Variants in ITGA9 observed in about 807,000 individuals in gnomAD.
ITGA9 encodes the protein integrin alpha-9.
In ITGA9, 56 loss-of-function variants were observed where a neutral mutation model predicts 127.8. The observed-to-expected ratio is 0.44, with a 90% confidence interval of 0.35 to 0.55. The LOEUF (loss-of-function observed/expected upper bound fraction) is 0.55. Ranked by LOEUF, ITGA9 falls within the 20% of genes least tolerant of loss-of-function variation. The pLI, the probability that ITGA9 is intolerant of heterozygous loss-of-function variation, is 0.00. For missense variants in ITGA9, 1,196 were observed against 1,347.1 expected (o/e 0.89, Z 1.76); for synonymous variants, 508 against 514.5 (o/e 0.99, Z 0.17).
chr3:37,546,376 A>G (rs1699326703), intron 15 of ITGA9, among the ~76,000 whole-genome samples: 1 of 152,202 alleles, frequency 6.6e-6, no homozygotes, highest in Non-Finnish European at 1.5e-5. Context: ...TTGACTGGGA[A>G]CAACTTTTCA....
At chr3:37,685,585 G>A (rs1460846373) in intron 18 of ITGA9, among the ~76,000 whole-genome samples, 1 of 152,098 alleles carries the variant, frequency 6.6e-6, no homozygotes, top group Non-Finnish European at 1.5e-5. Flanking sequence ...GGGGAAAGGG[G>A]CTTCCTTGGG....
At chr3:37,750,090 T>G (rs1247274912) in intron 22 of ITGA9, among the ~76,000 whole-genome samples, 1 of 145,868 alleles carries the variant, frequency 6.9e-6, no homozygotes, top group Admixed American at 6.8e-5. Context: ...CAGATGGTTC[T>G]GATGTTTTGC....
rs1451676304 is a variant in ITGA9 at position 37,512,129 on chromosome 3, C to CT, written c.898-1630dup. ...CCTTCCTTCCTTCCTTCTTTCTTTT[C>CT]TTTTCTTTTCTTTTCTTTTCTTTTC... On this transcript the variant is annotated intron_variant, in intron 8 of 27. Coordinates refer to ENST00000264741, the MANE Select transcript of ITGA9 (RefSeq NM_002207.3). Among the ~76,000 whole-genome samples, 55 of 10,524 alleles carry CT rather than the reference C, an allele frequency of 5.2e-3. 6 individuals are homozygous for CT. Among genetic ancestry groups the CT allele is most frequent in the African/African-American group, 0.016 (52 of 3,226 alleles). 6.9% of individuals were successfully genotyped at this position (10,524 alleles called of 152,430 possible). A position where few individuals can be genotyped will look rare whatever the true frequency, so the allele number is the denominator to read the frequency against.
intron 3 of ITGA9, among the ~76,000 whole-genome samples, chr3:37,474,176 A>G (rs564665936): frequency 2.7e-4 from 41 of 152,294 alleles, no homozygotes; most frequent in African/African-American, 8.7e-4. Flanking sequence ...TTTGAGGGAG[A>G]TAGAAAGAAA....
chr3:37,618,585 C>T (rs1042684805), intron 15 of ITGA9, among the ~76,000 whole-genome samples: 1 of 152,224 alleles, frequency 6.6e-6, no homozygotes, highest in African/African-American at 2.4e-5. Flanking sequence ...GCAGGCAGAC[C>T]TCCTTGAGCT....
chr3:37,551,715 T>A (rs1250932553), intron 15 of ITGA9, among the ~76,000 whole-genome samples: 1 of 152,176 alleles, frequency 6.6e-6, no homozygotes. Flanking sequence ...AATCACTCTT[T>A]GAGTAGTAGC....
Position 37,568,330 on chromosome 3 carries a change from T to A in ITGA9, c.1689+25745T>A, listed in dbSNP as rs1346870741. On this transcript the variant is annotated intron_variant, in intron 15 of 27. Transcript: ENST00000264741. The stretch of plus-strand genomic sequence containing the variant: ...ACCCCAGGCCTGGCCCATGAAACCA[T>A]TTTTTCCTCCTAGGCCTCCAGGCCT... Among the ~76,000 whole-genome samples the A allele has an allele frequency of 3.3e-5, 5 of 152,100 alleles. No individual in the cohort carries two copies. The East Asian group carries it at 9.7e-4, about 29-fold the overall frequency.
At position 37,779,753 on chromosome 3, in the gene ITGA9, C is replaced by T. The variant is rs112229404; in HGVS notation, c.2668-149C>T. On this transcript the variant is annotated intron_variant, in intron 24 of 27. Transcript: ENST00000264741. ...AAATCCCTTGAATGCCCTCTGGTGG[C>T]GAGAAAGAACGATTGCATCTTCTTG... The T allele has an allele frequency of 2.6e-4, 197 of 760,448 alleles. No individual in the cohort carries two copies. In the African/African-American group the frequency reaches 2.7e-3, roughly 10 times the overall value. 47.1% of individuals were successfully genotyped at this position (760,448 alleles called of 1,614,324 possible).
In ITGA9 at chr3:37,462,506, A is replaced by G. The variant is rs557141786; in HGVS notation, c.186-8501A>G. On this transcript the variant is annotated intron_variant, in intron 1 of 27. Coordinates refer to ENST00000264741, the MANE Select transcript of ITGA9 (RefSeq NM_002207.3). ...AGGCTACCACTCCCGAAGCACAGAG[A>G]AGCCAAGTCACTTGTCCAAGGTTAC... Among the ~76,000 whole-genome samples, 3 of 152,310 alleles carry G rather than the reference A, an allele frequency of 2.0e-5. No individual in the cohort carries two copies. The South Asian group carries it at 6.2e-4, about 32-fold the overall frequency.
intron 18 of ITGA9, among the ~76,000 whole-genome samples, chr3:37,713,017 G>A (rs748301527): frequency 6.6e-6 from 1 of 152,228 alleles, no homozygotes; most frequent in Non-Finnish European, 1.5e-5. Flanking sequence ...TGCCCCACTA[G>A]TGTTGATGAA....
intron 16 of ITGA9, among the ~76,000 whole-genome samples, chr3:37,642,133 A>G (rs1037650265): frequency 1.2e-4 from 18 of 151,896 alleles, no homozygotes; most frequent in Admixed American, 1.1e-3. Context: ...TTTTCTGGAC[A>G]CAGGGTTTCC....
chr3:37,604,278 AAGT>A (rs1190815639), intron 15 of ITGA9, among the ~76,000 whole-genome samples: 2 of 152,234 alleles, frequency 1.3e-5, no homozygotes, highest in African/African-American at 4.8e-5. Context: ...GATGCTAACT[AAGT>A]AGTCATGAGT....
At position 37,512,120 on chromosome 3, in the gene ITGA9, CTTTCTTTTCT is replaced by C. The variant is rs1176263183; in HGVS notation, c.898-1560_898-1551del. On this transcript the variant is annotated intron_variant, in intron 8 of 27. Transcript: ENST00000264741. ...TCCTTCCTTCCTTCCTTCCTTCCTT[CTTTCTTTTCT>C]TTTCTTTTCTTTTCTTTTCTTTTCT... 3.3e-3 allele frequency among the ~76,000 whole-genome samples: 129 copies of C among 39,444 alleles called. 2 individuals are homozygous for C. Among genetic ancestry groups the C allele is most frequent in the Non-Finnish European group, 4.9e-3 (103 of 21,170 alleles). 25.9% of individuals were successfully genotyped at this position (39,444 alleles called of 152,430 possible). A position where few individuals can be genotyped will look rare whatever the true frequency, so the allele number is the denominator to read the frequency against.
intron 15 of ITGA9, among the ~76,000 whole-genome samples, chr3:37,582,101 C>T (rs1699715163): frequency 6.6e-6 from 1 of 152,184 alleles, no homozygotes; most frequent in Non-Finnish European, 1.5e-5. Context: ...AGAAACCCTC[C>T]ACGTGTTTTA....
intron 15 of ITGA9, among the ~76,000 whole-genome samples, chr3:37,572,197 T>C (rs1699609029): frequency 6.6e-6 from 1 of 152,082 alleles, no homozygotes; most frequent in African/African-American, 2.4e-5. Context: ...GAAAACCTTG[T>C]TTTTTTCCTG....
chr3:37,476,964 C>A (rs777047578), intron 3 of ITGA9, among the ~76,000 whole-genome samples: 1 of 152,038 alleles, frequency 6.6e-6, no homozygotes, highest in Non-Finnish European at 1.5e-5. Flanking sequence ...TAGTTGCCAT[C>A]TTTTCTTGGT....
In ITGA9 at chr3:37,571,371, G is replaced by C. The variant is rs141503393; in HGVS notation, c.1689+28786G>C. 7.9e-3 allele frequency among the ~76,000 whole-genome samples: 1,197 copies of C among 152,258 alleles called. 56 individuals are homozygous for C. Among genetic ancestry groups the C allele is most frequent in the Admixed American group, 0.072 (1,104 of 15,292 alleles). Reference sequence around the variant, plus strand: ...TAAGATAGGACAATTGGACAAAAAGGCTGGGCCTTCTTAGGTGGGTATTGA... The same window carrying C: ...TAAGATAGGACAATTGGACAAAAAGCCTGGGCCTTCTTAGGTGGGTATTGA... On this transcript the variant is annotated intron_variant, in intron 15 of 27. Coordinates refer to ENST00000264741, the MANE Select transcript of ITGA9 (RefSeq NM_002207.3).
At chr3:37,478,247 T>C (rs746275573) in intron 3 of ITGA9, among the ~76,000 whole-genome samples, 6 of 152,152 alleles carry the variant, frequency 3.9e-5, no homozygotes, top group Non-Finnish European at 7.3e-5. Context: ...GGCCGTGCAC[T>C]GTGGACCTGG....
chr3:37,618,603 G>C (rs559860910), intron 15 of ITGA9, among the ~76,000 whole-genome samples: 1 of 152,190 alleles, frequency 6.6e-6, no homozygotes, highest in South Asian at 2.1e-4. Context: ...GCTCCGGTAG[G>C]CTCCACTCAG....
Sources: gnomAD v4.1 joint callset for allele counts (sites outside exome capture counted in the v4.1 genomes callset) on GRCh38, gnomAD v4.1.1 for gene constraint, MANE v1.5 for transcripts, NCBI Gene and HGNC (gene_info 2026-07-23, HGNC 2026-07-21) for gene names.